DLG5: variants seen among roughly 807,000 people sequenced by gnomAD.
DLG5 encodes the protein disks large homolog 5.
A neutral mutation model predicts 189.8 loss-of-function variants in DLG5; 48 were observed. The ratio of observed to expected loss-of-function variants is 0.25; its 90% CI spans 0.20 to 0.32. The LOEUF is 0.32. Among genes scored for constraint, DLG5 ranks in the 10% least tolerant of loss-of-function variants. DLG5 has a pLI of 1.00. For missense variants in DLG5, 2,160 were observed against 2,544.7 expected (o/e 0.85, Z 3.25); for synonymous variants, 1,016 against 1,054.1 (o/e 0.96, Z 0.70).
intron 1 of DLG5, among the ~76,000 whole-genome samples, chr10:77,882,463 C>T (rs1449984838): frequency 1.3e-5 from 2 of 152,120 alleles, no homozygotes; most frequent in African/African-American, 4.8e-5. Flanking sequence ...TCTCTGTCCC[C>T]GACTCCACTG....
intron 1 of DLG5, among the ~76,000 whole-genome samples, chr10:77,878,720 G>A (rs1307309633): frequency 2.0e-5 from 3 of 151,950 alleles, no homozygotes; most frequent in Non-Finnish European, 4.4e-5. Flanking sequence ...ACCATTCCAC[G>A]TGGCCATGGC....
rs1240967725 is a variant in DLG5 at position 77,853,503 on chromosome 10, G to A, written c.715C>T (p.Arg239Trp). ...AGCATGTCCACGTCATCCTTCAGCC[G>A]AGTCTGGTCACTCAGGAGCCGGCTG... ...LHSRLLSDQT[R>W]LKDDVDMLRR... is the part of the protein sequence containing the mutation. The change falls in exon 5 of 32, where the codon CGG becomes TGG. Residue 239 changes from arginine (R) to tryptophan (W), a missense_variant. Physicochemically the swap from Arg to Trp is moderately radical, Grantham distance 101. This residue lies in a region of DLG5 where 664 missense variants were observed against 838.5 expected (regional missense o/e 0.79). Transcript: ENST00000372391. 6.2e-7 allele frequency: 1 copy of A among 1,610,030 alleles called. No homozygotes were observed. Among genetic ancestry groups the A allele is most frequent in the Non-Finnish European group, 8.5e-7 (1 of 1,178,538 alleles).
chr10:77,813,050 G>A (rs1349737451), intron 20 of DLG5, among the ~76,000 whole-genome samples: 1 of 152,250 alleles, frequency 6.6e-6, no homozygotes, highest in Non-Finnish European at 1.5e-5. Flanking sequence ...ATCTGTGGTG[G>A]CAGAGACATC....
intron 20 of DLG5, among the ~76,000 whole-genome samples, chr10:77,813,297 T>A (rs1011598383): frequency 2.0e-5 from 3 of 152,088 alleles, no homozygotes; most frequent in African/African-American, 4.8e-5. Flanking sequence ...CAGCACATGG[T>A]CAGGATAGAT....
chr10:77,875,801 A>G (rs1159417998), intron 1 of DLG5, among the ~76,000 whole-genome samples: 1 of 151,988 alleles, frequency 6.6e-6, no homozygotes, highest in East Asian at 1.9e-4. Flanking sequence ...TCAGGAGGGA[A>G]GAAAGGTGGC....
chr10:77,836,250 A>G (rs1022650113), intron 7 of DLG5, among the ~76,000 whole-genome samples: 10 of 152,200 alleles, frequency 6.6e-5, no homozygotes, highest in Admixed American at 2.0e-4. Context: ...AAGCATTTGC[A>G]TCTTGACACA....
chr10:77,932,469 A>G, the DLG5 span, among the ~76,000 whole-genome samples: 1 of 152,206 alleles, frequency 6.6e-6, no homozygotes, highest in Admixed American at 6.5e-5. Context: ...AATAATATCA[A>G]CTAAAAATGG....
intron 14 of DLG5, among the ~76,000 whole-genome samples, chr10:77,824,001 G>A (rs1481971557): frequency 1.3e-5 from 2 of 152,132 alleles, no homozygotes; most frequent in Non-Finnish European, 2.9e-5. Context: ...CCAAAGTGTT[G>A]GGGTTACAGG....
intron 1 of DLG5, among the ~76,000 whole-genome samples, chr10:77,907,528 G>A (rs1372357360): frequency 2.0e-5 from 3 of 152,166 alleles, no homozygotes; most frequent in African/African-American, 7.2e-5. Flanking sequence ...GCCATGAGCT[G>A]AGATCATGCC....
intron 5 of DLG5, among the ~76,000 whole-genome samples, chr10:77,845,934 T>TAA (rs1209911526): frequency 0.27 from 26,304 of 97,144 alleles, 4,014 homozygotes; most frequent in Non-Finnish European, 0.35. Flanking sequence ...AATCTTTCTT[T>TAA]AAAAAAAAAA....
intron 5 of DLG5, among the ~76,000 whole-genome samples, chr10:77,846,893 A>G (rs1362620147): frequency 1.3e-5 from 2 of 152,090 alleles, no homozygotes; most frequent in African/African-American, 2.4e-5. Flanking sequence ...CAGCTCAGAA[A>G]CAAACTCATT....
At position 77,853,205 on chromosome 10, in the gene DLG5, G is replaced by A. The variant is rs149319196; in HGVS notation, c.864+149C>T. On this transcript the variant is annotated intron_variant, in intron 5 of 31. Transcript: ENST00000372391. ...GCCATGTTGCCCAGGCTCATCTCAA[G>A]CAATCTCTCACCTTGGTCTTCCAAA... is the stretch of plus-strand genomic sequence containing the variant. 359 of 629,222 alleles carry A rather than the reference G, an allele frequency of 5.7e-4. 3 individuals are homozygous for A. The African/African-American group carries it at 6.4e-3, about 11-fold the overall frequency. The allele number at this position is 629,222 out of a possible 1,614,324, so 39.0% of individuals were successfully genotyped here.
At chr10:77,925,392 A>G (rs1052266556) in intron 1 of DLG5, among the ~76,000 whole-genome samples, 1 of 151,302 alleles carries the variant, frequency 6.6e-6, no homozygotes, top group African/African-American at 2.4e-5. Context: ...TGGCTTCCAC[A>G]CTCCACGGCC....
intron 1 of DLG5, among the ~76,000 whole-genome samples, chr10:77,912,876 C>T (rs1019150982): frequency 6.6e-6 from 1 of 152,094 alleles, no homozygotes; most frequent in African/African-American, 2.4e-5. Flanking sequence ...GCATCTTAAA[C>T]CAAAAGCAAG....
intron 15 of DLG5, 109 bp downstream of exon 15, chr10:77,820,973 A>G (rs1345320137): frequency 7.0e-7 from 1 of 1,421,406 alleles, no homozygotes; most frequent in African/African-American, 1.4e-5. Flanking sequence ...CAAAGGCACC[A>G]GGCTAAACAG....
At chr10:77,862,775 G>T (rs907627316) in intron 2 of DLG5, among the ~76,000 whole-genome samples, 2 of 152,150 alleles carry the variant, frequency 1.3e-5, no homozygotes, top group African/African-American at 4.8e-5. Flanking sequence ...CACAGGGTGT[G>T]GGGGAAGCTG....
intron 2 of DLG5, among the ~76,000 whole-genome samples, chr10:77,857,792 G>C (rs1032253414): frequency 1.3e-5 from 2 of 152,164 alleles, no homozygotes; most frequent in African/African-American, 4.8e-5. Context: ...TCAACCCTTA[G>C]AGACCCTTGT....
In DLG5 at chr10:77,796,667, G is replaced by C; in HGVS notation, c.5165-73C>G. On this transcript the variant is annotated intron_variant, in intron 27 of 31. Coordinates refer to ENST00000372391, the MANE Select transcript of DLG5 (RefSeq NM_004747.4). This position sits in a 1 kb window ranked among gnomAD's most constrained non-coding sequence, Gnocchi z 5.2. The stretch of plus-strand genomic sequence containing the variant: ...GACCTGAGTGGGGCTGGGGAACCCC[G>C]CTCCCTGACCTCGCCCACTCTGGTT... The C allele has an allele frequency of 6.3e-7, 1 of 1,578,820 alleles. No homozygotes were observed. The highest frequency in any genetic ancestry group is 8.7e-7 in the Non-Finnish European group (1 of 1,154,146).
At chr10:77,880,962 CTTTTTTTTTTTTTT>C (rs61636782) in intron 1 of DLG5, among the ~76,000 whole-genome samples, 4 of 73,238 alleles carry the variant, frequency 5.5e-5, no homozygotes, top group Admixed American at 2.1e-4. Flanking sequence ...AACCCTAGAC[CTTTTTTTTTTTTTT>C]TTTTTTTTTT....
Sources: allele counts gnomAD v4.1 joint callset (sites outside exome capture counted in the v4.1 genomes callset), GRCh38; gene constraint gnomAD v4.1.1; regional missense constraint gnomAD v4.1.1; non-coding constraint Gnocchi (gnomAD v3.1); transcripts MANE v1.5; gene names NCBI Gene and HGNC (gene_info 2026-07-23, HGNC 2026-07-21).